Variants in NALF1 observed in about 807,000 individuals in gnomAD.
NALF1 encodes the protein family with sequence similarity 155 member A.
A neutral mutation model predicts 48.4 loss-of-function variants in NALF1; 3 were observed. That is an observed-to-expected ratio of 0.06 (90% CI 0.03 to 0.16). The LOEUF is 0.16. NALF1 is among the 10% of genes least tolerant of loss of function. NALF1 has a pLI of 1.00. For synonymous variants in NALF1, 262 were observed against 245.7 expected (o/e 1.07, Z -0.62); for missense variants, 526 against 571.5 (o/e 0.92, Z 0.81).
At chr13:107,437,638 C>G (rs1884484339) in intron 1 of NALF1, among the ~76,000 whole-genome samples, 2 of 152,116 alleles carry the variant, frequency 1.3e-5, no homozygotes, top group African/African-American at 4.8e-5. Flanking sequence ...CTCTACAATC[C>G]AACTTAGAAA....
chr13:107,497,774 T>A (rs1875387884), intron 1 of NALF1, among the ~76,000 whole-genome samples: 1 of 152,210 alleles, frequency 6.6e-6, no homozygotes, highest in African/African-American at 2.4e-5. Context: ...CCCTGCCTCG[T>A]GTAACTTCAT....
chr13:107,549,379 A>G (rs1293639377), intron 1 of NALF1, among the ~76,000 whole-genome samples: 1 of 152,200 alleles, frequency 6.6e-6, no homozygotes, highest in Non-Finnish European at 1.5e-5. Flanking sequence ...AGAGGTTGCC[A>G]TTAAGAGTCT....
intron 1 of NALF1, among the ~76,000 whole-genome samples, chr13:107,480,820 C>T (rs1250534805): frequency 2.0e-5 from 3 of 152,100 alleles, no homozygotes; most frequent in African/African-American, 7.2e-5. Flanking sequence ...AAGTCTAAAG[C>T]TCGAACGAAG....
In NALF1 at chr13:107,866,792, T is replaced by C; in HGVS notation, c.-196A>G. The C allele has an allele frequency of 3.4e-6, 2 of 590,632 alleles. No individual in the cohort carries two copies. Among genetic ancestry groups the C allele is most frequent in the Non-Finnish European group, 6.0e-6 (2 of 335,176 alleles). The allele number at this position is 590,632 out of a possible 1,614,324, so 36.6% of individuals were successfully genotyped here. A position where few individuals can be genotyped will look rare whatever the true frequency, so the allele number is the denominator to read the frequency against. ...TCTCCCTCTCCCTCTCTTTTATCTC[T>C]CTCTGTCTCTTTTGCCTACATAAAT... On this transcript the variant is annotated 5_prime_UTR_variant, in exon 1 of 3. Transcript: ENST00000375915. This position sits in a 1 kb window ranked among gnomAD's most constrained non-coding sequence, Gnocchi z 4.4.
intron 1 of NALF1, among the ~76,000 whole-genome samples, chr13:107,453,573 C>T (rs1428417427): frequency 6.6e-6 from 1 of 152,230 alleles, no homozygotes; most frequent in African/African-American, 2.4e-5. Context: ...GGCCTCCAGG[C>T]CTGTGATGGG....
intron 1 of NALF1, among the ~76,000 whole-genome samples, chr13:107,806,426 A>AT (rs1449692381): frequency 2.6e-5 from 4 of 152,088 alleles, no homozygotes; most frequent in Non-Finnish European, 5.9e-5. Context: ...AGACACACCT[A>AT]TTTTTTTAAA....
At chr13:107,681,111 C>T (rs551275441) in intron 1 of NALF1, among the ~76,000 whole-genome samples, 1 of 152,180 alleles carries the variant, frequency 6.6e-6, no homozygotes, top group South Asian at 2.1e-4. Flanking sequence ...GGTCTTTCCC[C>T]CTACTGGTGC....
chr13:107,478,094 A>G (rs1885201001), intron 1 of NALF1, among the ~76,000 whole-genome samples: 1 of 152,060 alleles, frequency 6.6e-6, no homozygotes, highest in African/African-American at 2.4e-5. Flanking sequence ...TTAAGCTCCT[A>G]GTTGGGTTTA....
intron 1 of NALF1, among the ~76,000 whole-genome samples, chr13:107,253,519 G>A (rs530968422): frequency 9.2e-5 from 14 of 152,216 alleles, no homozygotes; most frequent in African/African-American, 2.4e-4. Flanking sequence ...AGTCCTCTCC[G>A]TGTCCTCAGC....
At chr13:107,772,590 C>T (rs1877610358) in intron 1 of NALF1, among the ~76,000 whole-genome samples, 2 of 152,100 alleles carry the variant, frequency 1.3e-5, no homozygotes, top group African/African-American at 4.8e-5. Flanking sequence ...GGTAATATAT[C>T]AGTAAAAGCT....
chr13:107,219,932 T>A (rs2138814152), intron 1 of NALF1, among the ~76,000 whole-genome samples: 1 of 152,348 alleles, frequency 6.6e-6, no homozygotes, highest in African/African-American at 2.4e-5. Context: ...TACATAGCTG[T>A]GCACATTATA....
At chr13:107,422,483 T>A (rs1884205668) in intron 1 of NALF1, among the ~76,000 whole-genome samples, 1 of 152,002 alleles carries the variant, frequency 6.6e-6, no homozygotes, top group Non-Finnish European at 1.5e-5. Flanking sequence ...GTCATCATCA[T>A]CATCATCATC....
At chr13:107,715,638 C>T (rs771410275) in intron 1 of NALF1, among the ~76,000 whole-genome samples, 1 of 152,102 alleles carries the variant, frequency 6.6e-6, no homozygotes, top group African/African-American at 2.4e-5. Context: ...TGTAGAGTCA[C>T]GTACAGGAGG....
At position 107,597,651 on chromosome 13, in the gene NALF1, A is replaced by AC. The variant is rs550668829; in HGVS notation, c.915+268030_915+268031insG. ...TATAAAAGCTTACAAAAGAAAAAAT[A>AC]GTCAATATTAGATAGTACAATACAA... On this transcript the variant is annotated intron_variant, in intron 1 of 2. Coordinates refer to ENST00000375915, the MANE Select transcript of NALF1 (RefSeq NM_001080396.3). 9.2e-5 allele frequency among the ~76,000 whole-genome samples: 14 copies of AC among 152,284 alleles called. No homozygotes were observed. The South Asian group carries it at 2.9e-3, about 32-fold the overall frequency.
At chr13:107,832,583 A>C (rs1313282994) in intron 1 of NALF1, among the ~76,000 whole-genome samples, 1 of 152,088 alleles carries the variant, frequency 6.6e-6, no homozygotes, top group Non-Finnish European at 1.5e-5. Flanking sequence ...CGTCTTACGA[A>C]ATGATACCAC....
chr13:107,537,015 G>A (rs1233543821), intron 1 of NALF1, among the ~76,000 whole-genome samples: 6 of 152,096 alleles, frequency 3.9e-5, no homozygotes, highest in African/African-American at 1.2e-4. Context: ...TCACTCATAG[G>A]TGGGAATTGA....
intron 1 of NALF1, among the ~76,000 whole-genome samples, chr13:107,794,565 A>G (rs1878355571): frequency 6.6e-6 from 1 of 151,642 alleles, no homozygotes; most frequent in South Asian, 2.1e-4. Context: ...CCACCAAAAA[A>G]AGAAAAAAAA....
rs1328208971 is a variant in NALF1 at position 107,164,303 on chromosome 13, A to G, written c.*6194T>C. ...CAAGAGCCCTGCTTAATCTATTTCC[A>G]TATACTTTATCAAAAACTGAACAGG... On this transcript the variant is annotated 3_prime_UTR_variant, in exon 3 of 3. Transcript: ENST00000375915. The G allele has an allele frequency of 6.6e-6, 1 of 152,188 alleles. No individual in the cohort carries two copies. Among genetic ancestry groups the G allele is most frequent in the Admixed American group, 6.5e-5 (1 of 15,278 alleles). 9.4% of individuals were successfully genotyped at this position (152,188 alleles called of 1,614,324 possible).
At chr13:107,459,248 GTTT>G (rs1217820208) in intron 1 of NALF1, among the ~76,000 whole-genome samples, 1 of 152,098 alleles carries the variant, frequency 6.6e-6, no homozygotes, top group East Asian at 1.9e-4. Context: ...GAAAATAGGG[GTTT>G]TTAAGATCAG....
Sources: allele counts gnomAD v4.1 joint callset (sites outside exome capture counted in the v4.1 genomes callset), GRCh38; gene constraint gnomAD v4.1.1; non-coding constraint Gnocchi (gnomAD v3.1); transcripts MANE v1.5; gene names NCBI Gene and HGNC (gene_info 2026-07-23, HGNC 2026-07-21).